The following F2RL1 variants were observed in gnomAD, a reference collection of about 807,000 sequenced individuals.
F2RL1 encodes proteinase-activated receptor 2.
F2RL1 carries 16 observed loss-of-function variants against 21.7 expected under a neutral mutation model. The observed-to-expected ratio is 0.74, with a 90% confidence interval of 0.50 to 1.12. The LOEUF is 1.12. F2RL1 is among the 50% of genes most tolerant of loss of function. The pLI is 0.00. For missense variants in F2RL1, 432 were observed against 477.8 expected, an observed-to-expected ratio of 0.90 and a Z score of 0.89; for synonymous variants, 181 against 186.7, an observed-to-expected ratio of 0.97 and a Z score of 0.25.
chr5:76,821,557 T>TG (rs35747691), intron 1 of F2RL1, among the ~76,000 whole-genome samples: 26,149 of 123,056 alleles, frequency 0.21, 2,914 homozygotes, highest in South Asian at 0.36. Flanking sequence ...ATTGGTTTGG[T>TG]GGTTTTTTTT....
At chr5:76,829,091 G>A (rs1256337270) in intron 1 of F2RL1, among the ~76,000 whole-genome samples, 2 of 151,446 alleles carry the variant, frequency 1.3e-5, no homozygotes, top group African/African-American at 4.9e-5. Flanking sequence ...ACTCCAGCCT[G>A]GGCGACAGAG....
At chr5:76,827,600 CTTT>C (rs70982643) in intron 1 of F2RL1, among the ~76,000 whole-genome samples, 3 of 104,986 alleles carry the variant, frequency 2.9e-5, no homozygotes, top group African/African-American at 3.8e-5. Context: ...CATATAGTAA[CTTT>C]TTTTTTTTTT....
chr5:76,827,368 A>G (rs186302768), intron 1 of F2RL1, among the ~76,000 whole-genome samples: 1,706 of 146,804 alleles, frequency 0.012, 48 homozygotes, highest in African/African-American at 0.04. Flanking sequence ...GCGTGGTGGC[A>G]GGCGCCTGTA....
At position 76,819,412 on chromosome 5, in the gene F2RL1, C is replaced by T. The variant is rs1750086948; in HGVS notation, c.82+148C>T. The T allele has an allele frequency of 5.7e-6, 4 of 703,304 alleles. No individual in the cohort carries two copies. The South Asian group carries it at 7.9e-5, about 14-fold the overall frequency. 43.6% of individuals were successfully genotyped at this position (703,304 alleles called of 1,614,324 possible). A position where few individuals can be genotyped will look rare whatever the true frequency, so the allele number is the denominator to read the frequency against. On this transcript the variant is annotated intron_variant, in intron 1 of 1. Transcript: ENST00000296677. ...GAATCCCTTAGCCTCCCCTTGGTGG[C>T]TTTGATGTGAGGTCTCTGCGCCAAG...
intron 1 of F2RL1, among the ~76,000 whole-genome samples, chr5:76,821,064 G>A (rs149914407): frequency 6.6e-6 from 1 of 152,216 alleles, no homozygotes; most frequent in African/African-American, 2.4e-5. Flanking sequence ...TGCCCCTCAG[G>A]TGGCTGCAGG....
chr5:76,831,134 T>G (rs1362700912), intron 1 of F2RL1, among the ~76,000 whole-genome samples: 1 of 152,166 alleles, frequency 6.6e-6, no homozygotes, highest in Non-Finnish European at 1.5e-5. Flanking sequence ...TAGGTCAACT[T>G]CATAATATAA....
At chr5:76,831,007 C>T (rs1270750312) in intron 1 of F2RL1, among the ~76,000 whole-genome samples, 2 of 152,014 alleles carry the variant, frequency 1.3e-5, no homozygotes, top group Non-Finnish European at 2.9e-5. Context: ...TACTTTTCCC[C>T]AGAATTAGAG....
intron 1 of F2RL1, 57 bp from the exon 2 acceptor site, chr5:76,832,633 G>A (rs1441914703): frequency 5.5e-6 from 8 of 1,466,332 alleles, no homozygotes; most frequent in East Asian, 2.3e-5. Context: ...GAACAAACCA[G>A]TGTTACTGCT....
intron 1 of F2RL1, among the ~76,000 whole-genome samples, chr5:76,819,785 C>G (rs1750095258): frequency 6.6e-6 from 1 of 152,072 alleles, no homozygotes; most frequent in South Asian, 2.1e-4. Flanking sequence ...CGGGAGCCTT[C>G]TAGGTTGTTT....
Position 76,834,917 on chromosome 5 carries a change from C to T in F2RL1, c.*1116C>T, listed in dbSNP as rs1051191508. The stretch of plus-strand genomic sequence containing the variant: ...GGACTTTGAATTATTTCTTTATTAA[C>T]CCTCTGAGTTTTTGTATGTATTATT... On this transcript the variant is annotated 3_prime_UTR_variant, in exon 2 of 2. Coordinates refer to ENST00000296677, the MANE Select transcript of F2RL1 (RefSeq NM_005242.6). The T allele has an allele frequency of 6.6e-6, 1 of 152,234 alleles. No individual in the cohort carries two copies. Among genetic ancestry groups the T allele is most frequent in the African/African-American group, 2.4e-5 (1 of 41,392 alleles). 9.4% of individuals were successfully genotyped at this position (152,234 alleles called of 1,614,324 possible). A position where few individuals can be genotyped will look rare whatever the true frequency, so the allele number is the denominator to read the frequency against.
Position 76,819,234 on chromosome 5 carries a change from G to A in F2RL1, c.52G>A (p.Ala18Thr), listed in dbSNP as rs1168494600. The change falls in exon 1 of 2, where the codon GCC becomes ACC. Residue 18 changes from alanine to threonine, a missense_variant. Physicochemically the swap from Ala to Thr is moderately conservative, Grantham distance 58. Coordinates refer to ENST00000296677, the MANE Select transcript of F2RL1 (RefSeq NM_005242.6). Reference protein sequence around the residue: ...WLLGAAILLAASLSCSGTIQG... With the variant: ...WLLGAAILLATSLSCSGTIQG... ...GCTGGGGGCCGCCATCCTGCTAGCA[G>A]CCTCTCTCTCCTGCAGTGGCACCAT... 2 of 1,592,712 alleles carry A rather than the reference G, an allele frequency of 1.3e-6. No homozygotes were observed. Among genetic ancestry groups the A allele is most frequent in the Non-Finnish European group, 1.7e-6 (2 of 1,177,980 alleles).
At chr5:76,826,947 T>G (rs370068720) in intron 1 of F2RL1, among the ~76,000 whole-genome samples, 2 of 151,526 alleles carry the variant, frequency 1.3e-5, no homozygotes, top group East Asian at 3.9e-4. Context: ...ACCTCCTAGG[T>G]TCAAGCTGTC....
At position 76,819,101 on chromosome 5, in the gene F2RL1, C is replaced by T. The variant is rs992178005; in HGVS notation, c.-82C>T. 32 of 1,173,122 alleles carry T rather than the reference C, an allele frequency of 2.7e-5. No homozygotes were observed. In the Admixed American group the frequency reaches 7.0e-4, roughly 26 times the overall value. 72.7% of individuals were successfully genotyped at this position (1,173,122 alleles called of 1,614,324 possible). ...GGGGCAGGTGAGAGGCTGACTTTCTCTCGGTGCGTCCAGTGGAGCTCTGAG... is the reference window on the plus strand; with the variant it reads ...GGGGCAGGTGAGAGGCTGACTTTCTTTCGGTGCGTCCAGTGGAGCTCTGAG... On this transcript the variant is annotated 5_prime_UTR_variant, in exon 1 of 2. Transcript: ENST00000296677.
chr5:76,819,134 TCGG>T lies in F2RL1; in HGVS notation c.-39_-37del. 2 of 1,480,188 alleles carry T rather than the reference TCGG, an allele frequency of 1.4e-6. No individual in the cohort carries two copies. The highest frequency in any genetic ancestry group is 1.8e-6 in the Non-Finnish European group (2 of 1,094,106). 91.7% of individuals were successfully genotyped at this position (1,480,188 alleles called of 1,614,324 possible). ...GTCCAGTGGAGCTCTGAGTTTCGAATCGGCGGCGGCGGATTCCCCGCGCGCCCG... is the reference window on the plus strand; with the variant it reads ...GTCCAGTGGAGCTCTGAGTTTCGAATCGGCGGCGGATTCCCCGCGCGCCCG... On this transcript the variant is annotated 5_prime_UTR_variant, in exon 1 of 2. Transcript: ENST00000296677.
At chr5:76,823,623 C>T (rs1249915656) in intron 1 of F2RL1, among the ~76,000 whole-genome samples, 1 of 151,900 alleles carries the variant, frequency 6.6e-6, no homozygotes, top group Non-Finnish European at 1.5e-5. Flanking sequence ...AAGTGATCCG[C>T]CCGCCTTGGC....
At chr5:76,822,367 A>T (rs1214123274) in intron 1 of F2RL1, among the ~76,000 whole-genome samples, 2 of 152,080 alleles carry the variant, frequency 1.3e-5, no homozygotes, top group African/African-American at 2.4e-5. Context: ...ACAGGCGCAC[A>T]CCACCACATC....
intron 1 of F2RL1, among the ~76,000 whole-genome samples, chr5:76,820,912 C>T (rs190435034): frequency 6.6e-6 from 1 of 152,324 alleles, no homozygotes; most frequent in East Asian, 1.9e-4. Context: ...AGTGAAGTAA[C>T]ACTGACAATT....
At position 76,819,042 on chromosome 5, in the gene F2RL1, G is replaced by A; in HGVS notation, c.-141G>A. Reference sequence around the variant, plus strand: ...CTTCGGTTTCCCTGAAACCTAACCCGCCCTGGGGAGGCGCGCAGCAGAGGC... The same window carrying A: ...CTTCGGTTTCCCTGAAACCTAACCCACCCTGGGGAGGCGCGCAGCAGAGGC... On this transcript the variant is annotated 5_prime_UTR_variant, in exon 1 of 2. Transcript: ENST00000296677. The A allele has an allele frequency of 1.4e-6, 1 of 691,726 alleles. No homozygotes were observed. Among genetic ancestry groups the A allele is most frequent in the Non-Finnish European group, 2.4e-6 (1 of 419,648 alleles). The allele number at this position is 691,726 out of a possible 1,614,324, so 42.8% of individuals were successfully genotyped here. A position where few individuals can be genotyped will look rare whatever the true frequency, so the allele number is the denominator to read the frequency against.
rs1475152609 is a variant in F2RL1, at chr5:76,833,074, A to G, written c.467A>G (p.Tyr156Cys). 1 of 1,614,202 alleles carries G rather than the reference A, an allele frequency of 6.2e-7. No homozygotes were observed. The highest frequency in any genetic ancestry group is 1.3e-5 in the African/African-American group (1 of 75,050). ...TGTAATGTGCTTATTGGCTTTTTCT[A>G]TGGCAACATGTACTGTTCCATTCTC... ...ALCNVLIGFF[Y>C]GNMYCSILFM... Residue 156 changes from tyrosine (Y) to cysteine (C), a missense_variant, in exon 2 of 2, where the codon TAT becomes TGT. Transcript: ENST00000296677.
Sources: allele counts gnomAD v4.1 joint callset (sites outside exome capture counted in the v4.1 genomes callset), GRCh38; gene constraint gnomAD v4.1.1; transcripts MANE v1.5; gene names NCBI Gene and HGNC (gene_info 2026-07-23, HGNC 2026-07-21).